RPS6KA2: variants seen among roughly 807,000 people sequenced by gnomAD.
RPS6KA2 encodes the protein ribosomal protein S6 kinase A2, also known as ribosomal protein S6 kinase alpha-2.
In RPS6KA2, 42 loss-of-function variants were observed where a neutral mutation model predicts 91.8. The observed-to-expected ratio is 0.46, with a 90% CI of 0.36 to 0.59. The LOEUF is 0.59. RPS6KA2 is among the 20% of genes least tolerant of loss of function. The pLI, the probability that RPS6KA2 is intolerant of heterozygous loss-of-function variation, is 0.00. For synonymous variants in RPS6KA2, 414 were observed against 393.6 expected, an observed-to-expected ratio of 1.05 and a Z score of -0.61; for missense variants, 798 against 978.5, an observed-to-expected ratio of 0.82 and a Z score of 2.46.
chr6:166,521,445 G>A (rs1782851611), intron 3 of RPS6KA2, among the ~76,000 whole-genome samples: 1 of 152,244 alleles, frequency 6.6e-6, no homozygotes, highest in Non-Finnish European at 1.5e-5. Context: ...CTGGAGTCTT[G>A]AGGTTCCATG....
At chr6:166,701,101 C>T (rs917281115) in intron 2 of RPS6KA2, 12 of 1,608,304 alleles carry the variant, frequency 7.5e-6, no homozygotes, top group Non-Finnish European at 9.3e-6. Context: ...GCCTTACTTC[C>T]GTCTTGACTG....
At chr6:166,701,273 C>T in intron 2 of RPS6KA2, 2 of 1,612,284 alleles carry the variant, frequency 1.2e-6, no homozygotes, top group East Asian at 2.2e-5. Context: ...GGGACAACAA[C>T]TTCTGCACTT....
rs140769521 is a variant in RPS6KA2 at position 166,417,010 on chromosome 6, C to T, written c.1938+1215G>A. Among the ~76,000 whole-genome samples the T allele has an allele frequency of 1.1e-3, 167 of 152,336 alleles. 1 individual carries two copies. The highest frequency in any genetic ancestry group is 3.4e-3 in the Middle Eastern group (1 of 294). On this transcript the variant is annotated intron_variant, in intron 19 of 20. Coordinates refer to ENST00000265678, the MANE Select transcript of RPS6KA2 (RefSeq NM_021135.6). ...GACTCCTTCTCTTTCAGCCCTTTTA[C>T]ATGAACACGGGAACAGCTGTTGGTG...
intron 2 of RPS6KA2, among the ~76,000 whole-genome samples, chr6:166,667,981 G>T (rs1480841378): frequency 6.6e-6 from 1 of 152,174 alleles, no homozygotes; most frequent in South Asian, 2.1e-4. Flanking sequence ...AGCACAGCCC[G>T]CACACAGCGG....
chr6:166,731,405 G>C (rs1790512319), intron 2 of RPS6KA2, among the ~76,000 whole-genome samples: 1 of 149,056 alleles, frequency 6.7e-6, no homozygotes, highest in African/African-American at 2.4e-5. Flanking sequence ...CATTGGTCTT[G>C]TAAATGCAAC....
In RPS6KA2 at chr6:166,493,392, C is replaced by G. The variant is rs1374519870; in HGVS notation, c.748-2651G>C. 6.6e-6 allele frequency among the ~76,000 whole-genome samples: 1 copy of G among 152,096 alleles called. No individual in the cohort carries two copies. The highest frequency in any genetic ancestry group is 1.5e-5 in the Non-Finnish European group (1 of 68,020). Reference sequence around the variant, plus strand: ...GCCCGGGAACTTTCCAGTGCCGAAGCATTACTGACTGAGGTTTTGCTGATG... The same window carrying G: ...GCCCGGGAACTTTCCAGTGCCGAAGGATTACTGACTGAGGTTTTGCTGATG... On this transcript the variant is annotated intron_variant, in intron 8 of 20. Transcript: ENST00000265678. This position sits in a 1 kb window ranked among gnomAD's most constrained non-coding sequence, Gnocchi z 4.7.
At chr6:166,806,808 T>A (rs1391945100) in intron 2 of RPS6KA2, among the ~76,000 whole-genome samples, 2 of 151,168 alleles carry the variant, frequency 1.3e-5, no homozygotes, top group Non-Finnish European at 2.9e-5. Context: ...AAAAAAAAAA[T>A]TAGTTTATGT....
At chr6:166,763,210 A>G (rs1778221078) in intron 2 of RPS6KA2, among the ~76,000 whole-genome samples, 1 of 152,258 alleles carries the variant, frequency 6.6e-6, no homozygotes, top group South Asian at 2.1e-4. Context: ...TAGCATGGAA[A>G]AAGCAAAGCC....
At chr6:166,795,263 G>A (rs575566547) in intron 2 of RPS6KA2, among the ~76,000 whole-genome samples, 3 of 152,246 alleles carry the variant, frequency 2.0e-5, no homozygotes, top group African/African-American at 7.2e-5. Context: ...TGAAAAGAAT[G>A]TACAAATCTC....
rs1426651603 is a variant in RPS6KA2 at position 166,433,591 on chromosome 6, C to T, written c.1333-1101G>A. Among the ~76,000 whole-genome samples, 2 of 152,172 alleles carry T rather than the reference C, an allele frequency of 1.3e-5. No homozygotes were observed. Among genetic ancestry groups the T allele is most frequent in the African/African-American group, 4.8e-5 (2 of 41,440 alleles). ...GCAGAAGAAAAGCGATTGGAAACAC[C>T]TTCCTAACCATGATTTGTACTATTC... is the stretch of plus-strand genomic sequence containing the variant. On this transcript the variant is annotated intron_variant, in intron 14 of 20. Coordinates refer to ENST00000265678, the MANE Select transcript of RPS6KA2 (RefSeq NM_021135.6). This position sits in a 1 kb window ranked among gnomAD's most constrained non-coding sequence, Gnocchi z 4.4.
At chr6:166,613,598 C>T (rs937098352) in intron 1 of RPS6KA2, among the ~76,000 whole-genome samples, 23 of 152,190 alleles carry the variant, frequency 1.5e-4, no homozygotes, top group African/African-American at 3.9e-4. Flanking sequence ...ATCTGCAAGG[C>T]CTGTCCACCC....
chr6:166,680,987 G>A (rs1788787629), intron 2 of RPS6KA2, among the ~76,000 whole-genome samples: 1 of 152,196 alleles, frequency 6.6e-6, no homozygotes, highest in Admixed American at 6.5e-5. Context: ...CGTATCGAGT[G>A]AGGACTGCTC....
At chr6:166,535,944 G>A (rs552192184) in intron 2 of RPS6KA2, among the ~76,000 whole-genome samples, 18 of 152,330 alleles carry the variant, frequency 1.2e-4, no homozygotes, top group Non-Finnish European at 2.5e-4. Flanking sequence ...AGCTTATTCC[G>A]GCTGACCAGG....
At chr6:166,630,476 TA>T (rs1787041897), upstream of RPS6KA2, among the ~76,000 whole-genome samples, 1 of 152,278 alleles carries the variant, frequency 6.6e-6, no homozygotes, top group Admixed American at 6.5e-5. Flanking sequence ...TCATTAGGAC[TA>T]AAGTTTTGCC....
At chr6:166,475,259 G>A (rs186379608) in intron 10 of RPS6KA2, among the ~76,000 whole-genome samples, 18 of 152,216 alleles carry the variant, frequency 1.2e-4, no homozygotes, top group Admixed American at 3.9e-4. Context: ...ACAACAGTGC[G>A]AAGAAACAAG....
intron 1 of RPS6KA2, among the ~76,000 whole-genome samples, chr6:166,605,273 T>C (rs17514303): frequency 6.6e-6 from 1 of 152,210 alleles, no homozygotes; most frequent in South Asian, 2.1e-4. Context: ...AACAGGTAGA[T>C]GACATCAAGT....
intron 1 of RPS6KA2, among the ~76,000 whole-genome samples, chr6:166,573,710 C>A (rs1784757002): frequency 1.3e-5 from 2 of 152,260 alleles, no homozygotes; most frequent in Admixed American, 1.3e-4. Flanking sequence ...CCGAGGTTCT[C>A]TTCCAGAGCC....
intron 1 of RPS6KA2, among the ~76,000 whole-genome samples, chr6:166,558,451 A>T (rs1418310199): frequency 6.6e-6 from 1 of 152,062 alleles, no homozygotes; most frequent in Admixed American, 6.5e-5. Flanking sequence ...ATCCACAAAC[A>T]CCCTCACAGA....
At chr6:166,813,062 G>A (rs1779679292) in intron 2 of RPS6KA2, among the ~76,000 whole-genome samples, 1 of 152,106 alleles carries the variant, frequency 6.6e-6, no homozygotes, top group South Asian at 2.1e-4. Flanking sequence ...TTTGTTTGTG[G>A]CTTGAGGGGT....
Sources: gnomAD v4.1 joint callset for allele counts (sites outside exome capture counted in the v4.1 genomes callset) on GRCh38, gnomAD v4.1.1 for gene constraint, Gnocchi (gnomAD v3.1) non-coding constraint, MANE v1.5 for transcripts, NCBI Gene and HGNC (gene_info 2026-07-23, HGNC 2026-07-21) for gene names.